The following DYNC2H1 variants were observed in gnomAD, a reference collection of about 807,000 sequenced individuals.
DYNC2H1 encodes the protein dynein cytoplasmic 2 heavy chain 1, also known as cytoplasmic dynein 2 heavy chain 1.
A neutral mutation model predicts 570.0 loss-of-function variants in DYNC2H1; 410 were observed. That is an observed-to-expected ratio of 0.72 (90% CI 0.66 to 0.78). DYNC2H1 has a LOEUF of 0.78. DYNC2H1 is among the 30% of genes least tolerant of loss of function. The probability of loss-of-function intolerance (pLI) is 0.00; values close to 1 mark genes in which losing one functional copy is unlikely to be tolerated. For missense variants in DYNC2H1, 4,865 were observed against 5,046.4 expected (o/e 0.96, Z 1.09); for synonymous variants, 1,688 against 1,677.6 (o/e 1.01, Z -0.15).
chr11:103,343,809 C>T (rs1939603275), intron 82 of DYNC2H1, among the ~76,000 whole-genome samples: 1 of 152,166 alleles, frequency 6.6e-6, no homozygotes, highest in Non-Finnish European at 1.5e-5. Context: ...CAGTTTTGTG[C>T]TTCCATTTAG....
chr11:103,241,115 T>C lies in DYNC2H1; in HGVS notation c.9820-2578T>C, dbSNP rs1864407989. ...ACTGTTTTCTAGCCATAACTTCACC[T>C]ATCATCCTTCAGTAGCAACTTGTGC... On this transcript the variant is annotated intron_variant, in intron 63 of 88. Transcript: ENST00000375735. This position sits in a 1 kb window ranked among gnomAD's most constrained non-coding sequence, Gnocchi z 5.1. Among the ~76,000 whole-genome samples the C allele has an allele frequency of 6.6e-6, 1 of 152,200 alleles. No individual in the cohort carries two copies. The highest frequency in any genetic ancestry group is 2.4e-5 in the African/African-American group (1 of 41,458).
At chr11:103,407,640 ATG>A (rs1353429134) in intron 84 of DYNC2H1, 1 of 151,898 alleles carries the variant, frequency 6.6e-6, no homozygotes, top group Admixed American at 6.6e-5. Context: ...GTACTGGTGA[ATG>A]TATGGTGTGT....
At chr11:103,174,027 T>C (rs1861688425) in intron 35 of DYNC2H1, 28 bp from the exon 36 acceptor site, 2 of 1,457,156 alleles carry the variant, frequency 1.4e-6, no homozygotes, top group Non-Finnish European at 1.9e-6. Flanking sequence ...AGCTATTTGA[T>C]GTGTTGATTT....
chr11:103,463,768 A>AAAAT (rs796376972), intron 87 of DYNC2H1, among the ~76,000 whole-genome samples: 7 of 152,204 alleles, frequency 4.6e-5, no homozygotes, highest in African/African-American at 1.7e-4. Flanking sequence ...CCAAACAAAC[A>AAAAT]AAATAAAGCT....
chr11:103,380,157 T>G (rs1941580209), intron 83 of DYNC2H1, among the ~76,000 whole-genome samples: 1 of 152,210 alleles, frequency 6.6e-6, no homozygotes, highest in Non-Finnish European at 1.5e-5. Flanking sequence ...GTTCTCATCT[T>G]TTCCCATTAA....
intron 21 of DYNC2H1, among the ~76,000 whole-genome samples, chr11:103,152,732 A>G (rs953471743): frequency 2.6e-5 from 4 of 152,050 alleles, no homozygotes; most frequent in African/African-American, 9.7e-5. Context: ...GGTTTTGTCA[A>G]TCTTTTTGTC....
At chr11:103,221,441 A>G (rs540190741) in intron 57 of DYNC2H1, among the ~76,000 whole-genome samples, 4 of 152,338 alleles carry the variant, frequency 2.6e-5, no homozygotes, top group Admixed American at 2.6e-4. Context: ...CCTAGAACAT[A>G]TGAGTACCTA....
chr11:103,115,306 C>T lies in DYNC2H1; in HGVS notation c.621+11C>T, dbSNP rs1285641279. 3.9e-6 allele frequency: 6 copies of T among 1,532,874 alleles called. No homozygotes were observed. The highest frequency in any genetic ancestry group is 4.4e-6 in the Non-Finnish European group (5 of 1,128,422). The allele number at this position is 1,532,874 out of a possible 1,614,324, so 95.0% of individuals were successfully genotyped here. On this transcript the variant is annotated intron_variant, in intron 4 of 88. Coordinates refer to ENST00000375735, the MANE Select transcript of DYNC2H1 (RefSeq NM_001377.3). Reference sequence around the variant, plus strand: ...GAAACAATTGCAAGAGTATGTGATTCATAAATGGTGATATATTGGGCTTCT... The same window carrying T: ...GAAACAATTGCAAGAGTATGTGATTTATAAATGGTGATATATTGGGCTTCT...
At chr11:103,384,422 A>G (rs907605337) in intron 83 of DYNC2H1, among the ~76,000 whole-genome samples, 3 of 152,150 alleles carry the variant, frequency 2.0e-5, no homozygotes, top group South Asian at 2.1e-4. Flanking sequence ...AAGAGCCTAT[A>G]GCTGGATTAT....
At chr11:103,191,827 A>G (rs1057404495) in intron 46 of DYNC2H1, among the ~76,000 whole-genome samples, 8 of 152,028 alleles carry the variant, frequency 5.3e-5, no homozygotes, top group Non-Finnish European at 7.4e-5. Context: ...AAATGAAATC[A>G]TTATATTTGA....
intron 84 of DYNC2H1, among the ~76,000 whole-genome samples, chr11:103,424,985 G>A (rs1943616908): frequency 6.6e-6 from 1 of 152,128 alleles, no homozygotes; most frequent in Non-Finnish European, 1.5e-5. Context: ...ACCTAGGCAG[G>A]AGTACAGTGG....
chr11:103,463,426 C>G (rs534746590), intron 87 of DYNC2H1, among the ~76,000 whole-genome samples: 51 of 152,126 alleles, frequency 3.4e-4, no homozygotes, highest in Non-Finnish European at 6.8e-4. Flanking sequence ...AGGTTAGGCT[C>G]TCCATCTCCC....
At chr11:103,154,349 G>C in intron 22 of DYNC2H1, 102 bp from the exon 23 acceptor site, 1 of 970,526 alleles carries the variant, frequency 1.0e-6, no homozygotes, top group Non-Finnish European at 1.5e-6. Flanking sequence ...ACAAGTGTGT[G>C]TGTACACACA....
chr11:103,429,388 CAATTA>C (rs1364993016), intron 84 of DYNC2H1, among the ~76,000 whole-genome samples: 1 of 152,040 alleles, frequency 6.6e-6, no homozygotes, highest in Non-Finnish European at 1.5e-5. Context: ...AAGAATCATT[CAATTA>C]AATCTTTTAG....
chr11:103,158,593 G>A, intron 26 of DYNC2H1, 84 bp from the exon 27 acceptor site: 1 of 1,083,504 alleles, frequency 9.2e-7, no homozygotes, highest in Non-Finnish European at 1.3e-6. Flanking sequence ...TTCATTTTAA[G>A]CAGGTAAAAA....
At position 103,270,608 on chromosome 11, in the gene DYNC2H1, A is replaced by G. The variant is rs189720045; in HGVS notation, c.10696-9740A>G. The stretch of plus-strand genomic sequence containing the variant: ...TCTCTCTCTCTCTCTCTCTCGAACT[A>G]TCTTATTGTACTCTACTCACCCTTC... On this transcript the variant is annotated intron_variant, in intron 70 of 88. Transcript: ENST00000375735. 2.7e-3 allele frequency among the ~76,000 whole-genome samples: 410 copies of G among 150,644 alleles called. 2 individuals carry two copies. The highest frequency in any genetic ancestry group is 0.024 in the Middle Eastern group (7 of 294).
intron 47 of DYNC2H1, among the ~76,000 whole-genome samples, 177 bp from the exon 48 acceptor site, chr11:103,197,756 G>A (rs1945669779): frequency 6.6e-6 from 1 of 152,118 alleles, no homozygotes; most frequent in Admixed American, 6.5e-5. Flanking sequence ...CTCAGTCATT[G>A]TATTTCACCT....
intron 85 of DYNC2H1, among the ~76,000 whole-genome samples, chr11:103,443,269 T>G (rs1944326352): frequency 6.6e-6 from 1 of 152,048 alleles, no homozygotes; most frequent in African/African-American, 2.4e-5. Flanking sequence ...ATGCTTTATT[T>G]GCTGATTTTC....
intron 74 of DYNC2H1, 56 bp from the exon 75 acceptor site, chr11:103,287,473 TTTAG>T (rs1242497894): frequency 3.9e-6 from 5 of 1,279,044 alleles, no homozygotes; most frequent in African/African-American, 3.0e-5. Context: ...TTAATTATTG[TTTAG>T]TTAAAGTAGT....
Sources: gnomAD v4.1 joint callset for allele counts (sites outside exome capture counted in the v4.1 genomes callset) on GRCh38, gnomAD v4.1.1 for gene constraint, Gnocchi (gnomAD v3.1) non-coding constraint, MANE v1.5 for transcripts, NCBI Gene and HGNC (gene_info 2026-07-23, HGNC 2026-07-21) for gene names.